LY9: variants seen among roughly 807,000 people sequenced by gnomAD.
The protein encoded by LY9 is lymphocyte antigen 9.
LY9 carries 59 observed loss-of-function variants against 64.6 expected under a neutral mutation model. The observed-to-expected ratio is 0.91, with a 90% CI of 0.74 to 1.13. LY9 has a LOEUF of 1.13. Among genes scored for constraint, LY9 ranks in the 50% most tolerant of loss-of-function variants. LY9 has a pLI of 0.00. For missense variants in LY9, 789 were observed against 797.2 expected, an observed-to-expected ratio of 0.99 and a Z score of 0.12; for synonymous variants, 281 against 308.5, an observed-to-expected ratio of 0.91 and a Z score of 0.93.
chr1:160,823,636 G>A lies in LY9; in HGVS notation c.1670G>A (p.Ser557Asn), dbSNP rs748609074. Residue 557 changes from serine (S) to asparagine (N), a missense_variant, in exon 8 of 10, where the codon AGT (serine) becomes AAT (asparagine). Transcript: ENST00000263285. Reference protein sequence around the residue: ...EDRPEVHKPISGRYEVFDQVT... With the variant: ...EDRPEVHKPINGRYEVFDQVT... ...AGGCCTGAGGTGCACAAGCCCATCA[G>A]TGGAAGATATGAGGTATTTGACCAG... 1.2e-6 allele frequency: 2 copies of A among 1,614,080 alleles called. No homozygotes were observed. Among genetic ancestry groups the A allele is most frequent in the Admixed American group, 1.7e-5 (1 of 60,002 alleles).
intron 2 of LY9, among the ~76,000 whole-genome samples, chr1:160,809,210 T>C (rs968252583): frequency 1.3e-5 from 2 of 151,156 alleles, no homozygotes; most frequent in Admixed American, 6.6e-5. Flanking sequence ...TTTTGAGACA[T>C]CATCCCACTA....
At chr1:160,816,946 G>A in intron 5 of LY9, 83 bp downstream of exon 5, 1 of 1,387,752 alleles carries the variant, frequency 7.2e-7, no homozygotes, top group South Asian at 1.3e-5. Flanking sequence ...TTTATGAAGT[G>A]CAGTAAGAGG....
At chr1:160,811,429 T>A (rs1304307288) in intron 2 of LY9, 1 of 152,230 alleles carries the variant, frequency 6.6e-6, no homozygotes, top group South Asian at 2.1e-4. Flanking sequence ...TTTCGCAATA[T>A]GAATAGGTGA....
chr1:160,806,924 TTTTA>T (rs1270644711), intron 2 of LY9, among the ~76,000 whole-genome samples: 14 of 152,180 alleles, frequency 9.2e-5, no homozygotes, highest in Admixed American at 9.2e-4. Flanking sequence ...TTTTTATTCT[TTTTA>T]TTTATTTATT....
Position 160,805,738 on chromosome 1 carries a change from GTC to G in LY9, c.454+5659_454+5660del, listed in dbSNP as rs1489889477. ...ATTCTGTTGCAGTCTCTCTCTCTCT[GTC>G]TCACACACACACACACACACACACA... On this transcript the variant is annotated intron_variant, in intron 2 of 9. Coordinates refer to ENST00000263285, the MANE Select transcript of LY9 (RefSeq NM_002348.4). 4.1e-3 allele frequency among the ~76,000 whole-genome samples: 387 copies of G among 94,082 alleles called. 2 individuals are homozygous for G. Among genetic ancestry groups the G allele is most frequent in the Middle Eastern group, 0.016 (3 of 192 alleles). The allele number at this position is 94,082 out of a possible 152,430, so 61.7% of individuals were successfully genotyped here.
intron 2 of LY9, chr1:160,801,974 G>A (rs1000058821): frequency 7.5e-6 from 12 of 1,590,406 alleles, no homozygotes; most frequent in Middle Eastern, 1.7e-4. Context: ...TCACCGCCGC[G>A]CAGCAGAGCT....
chr1:160,799,720 C>T, intron 1 of LY9, 33 bp from the exon 2 acceptor site: 2 of 1,400,900 alleles, frequency 1.4e-6, no homozygotes, highest in Non-Finnish European at 2.0e-6. Flanking sequence ...AGGAGTCTAG[C>T]TGCTCCTCCA....
chr1:160,800,702 C>T (rs1286819212), intron 2 of LY9, among the ~76,000 whole-genome samples: 1 of 152,190 alleles, frequency 6.6e-6, no homozygotes, highest in Non-Finnish European at 1.5e-5. Flanking sequence ...TCCTCTCCCA[C>T]CCTCCTACCT....
Position 160,813,626 on chromosome 1 carries a change from G to T in LY9, c.455-10G>T, listed in dbSNP as rs779086655. The T allele has an allele frequency of 1.2e-6, 2 of 1,610,418 alleles. No homozygotes were observed. The highest frequency in any genetic ancestry group is 1.7e-6 in the Non-Finnish European group (2 of 1,177,884). ...GATCTGAGCATCTTCCCATGCTGTT[G>T]TCCCTGCAGAGCAGCTGCAGGAGCC... is the stretch of plus-strand genomic sequence containing the variant. On this transcript the variant is annotated splice_polypyrimidine_tract_variant and intron_variant, in intron 2 of 9. Coordinates refer to ENST00000263285, the MANE Select transcript of LY9 (RefSeq NM_002348.4).
intron 7 of LY9, among the ~76,000 whole-genome samples, chr1:160,820,561 G>A (rs984354832): frequency 6.6e-6 from 1 of 152,124 alleles, no homozygotes; most frequent in Non-Finnish European, 1.5e-5. Flanking sequence ...AGAGACAGGG[G>A]GCAAGGAAGG....
At chr1:160,801,950 C>T in intron 2 of LY9, 1 of 1,609,550 alleles carries the variant, frequency 6.2e-7, no homozygotes, top group Non-Finnish European at 8.5e-7. Context: ...GGAGACCGCT[C>T]CGCCATCCCC....
intron 9 of LY9, 31 bp from the exon 10 acceptor site, chr1:160,827,717 C>T: frequency 6.4e-7 from 1 of 1,564,130 alleles, no homozygotes; most frequent in East Asian, 2.3e-5. Flanking sequence ...GCTTTATTAA[C>T]CATATTCTTT....
At position 160,801,848 on chromosome 1, in the gene LY9, G is replaced by T. The variant is rs1179701623; in HGVS notation, c.454+1766G>T. On this transcript the variant is annotated intron_variant, in intron 2 of 9. Coordinates refer to ENST00000263285, the MANE Select transcript of LY9 (RefSeq NM_002348.4). ...TCGAGGGTGACCACCGCACACTCCT[G>T]GAGGGCAGCGGCCTGGAGTCCATCA... 2.5e-6 allele frequency: 4 copies of T among 1,614,066 alleles called. No individual in the cohort carries two copies. The Admixed American group carries it at 6.7e-5, about 27-fold the overall frequency.
chr1:160,827,746 A>T lies in LY9; in HGVS notation c.1900-2A>T. On this transcript the variant is annotated splice_acceptor_variant, in intron 9 of 9. Transcript: ENST00000263285. LOFTEE classifies it high-confidence loss of function. ...ATTCTTTTGTGGATTTTTGGCTCAC[A>T]GGTGGTGCCACCACCACAACAGAAT... The T allele has an allele frequency of 6.2e-7, 1 of 1,603,358 alleles. No individual in the cohort carries two copies. The highest frequency in any genetic ancestry group is 8.5e-7 in the Non-Finnish European group (1 of 1,174,816).
intron 4 of LY9, chr1:160,815,232 C>T: frequency 1.3e-5 from 2 of 157,404 alleles, no homozygotes; most frequent in Non-Finnish European, 2.8e-5. Flanking sequence ...CCAAGCTACT[C>T]TAGAGGCTGA....
rs570075916 is a variant in LY9 at position 160,815,780 on chromosome 1, C to A, written c.1073-814C>A. Among the ~76,000 whole-genome samples, 27 of 152,320 alleles carry A rather than the reference C, an allele frequency of 1.8e-4. No individual in the cohort carries two copies. The South Asian group carries it at 2.9e-3, about 16-fold the overall frequency. On this transcript the variant is annotated intron_variant, in intron 4 of 9. Transcript: ENST00000263285. ...AGACTGAGGAGAAGCCCTTGGTGTC[C>A]AAAGACACTGTGGCCTCCAAGAAGG...
chr1:160,802,883 T>G (rs1260318100), intron 2 of LY9: 1 of 159,082 alleles, frequency 6.3e-6, no homozygotes, highest in African/African-American at 2.4e-5. Context: ...TATAGCCATA[T>G]ACAGTATACT....
In LY9 at chr1:160,827,774, T is replaced by C; in HGVS notation, c.1926T>C (p.Asp642=). The change falls in exon 10 of 10, where the codon GAT becomes GAC. Residue 642 remains aspartate, a synonymous_variant. Coordinates refer to ENST00000263285, the MANE Select transcript of LY9 (RefSeq NM_002348.4). ...PQVVPPPQQN[D]LEIPESPTYE... ...TGGTGCCACCACCACAACAGAATGA[T>C]CTTGAGATTCCTGAAAGTCCTACCT... 1 of 1,610,764 alleles carries C rather than the reference T, an allele frequency of 6.2e-7. No homozygotes were observed. Among genetic ancestry groups the C allele is most frequent in the Admixed American group, 1.7e-5 (1 of 59,560 alleles).
intron 2 of LY9, among the ~76,000 whole-genome samples, chr1:160,803,925 C>A (rs1666737178): frequency 6.6e-6 from 1 of 152,076 alleles, no homozygotes. Context: ...GGGAGGATTG[C>A]TTGAATCCCA....
Sources: allele counts gnomAD v4.1 joint callset (sites outside exome capture counted in the v4.1 genomes callset), GRCh38; gene constraint gnomAD v4.1.1; transcripts MANE v1.5; gene names NCBI Gene and HGNC (gene_info 2026-07-23, HGNC 2026-07-21).